Variants in FREM3 observed in about 807,000 individuals in gnomAD.
The protein encoded by FREM3 is FRAS1-related extracellular matrix protein 3.
In FREM3, 105 loss-of-function variants were observed where a neutral mutation model predicts 129.1. The ratio of observed to expected loss-of-function variants is 0.81; its 90% CI spans 0.69 to 0.96. FREM3 has a LOEUF of 0.96. FREM3 is among the 40% of genes least tolerant of loss of function. FREM3 has a pLI of 0.00. For missense variants in FREM3, 2,593 were observed against 2,666.3 expected (o/e 0.97, Z 0.61); for synonymous variants, 1,014 against 1,044.9 (o/e 0.97, Z 0.57).
intron 2 of FREM3, among the ~76,000 whole-genome samples, chr4:143,649,052 C>T (rs754679845): frequency 7.2e-5 from 11 of 152,190 alleles, no homozygotes; most frequent in Admixed American, 2.0e-4. Flanking sequence ...GTATAAACTA[C>T]CAAAGCTGGC....
At chr4:143,621,010 T>A in intron 5 of FREM3, 27 bp downstream of exon 5, 1 of 1,535,468 alleles carries the variant, frequency 6.5e-7, no homozygotes, top group Non-Finnish European at 8.7e-7. Context: ...CTTATTCCTA[T>A]GAACAGGACC....
chr4:143,640,697 A>G (rs890836693), intron 2 of FREM3, among the ~76,000 whole-genome samples: 2 of 152,126 alleles, frequency 1.3e-5, no homozygotes, highest in Non-Finnish European at 2.9e-5. Context: ...GTAATATAAT[A>G]TAAAGCCATT....
intron 1 of FREM3, among the ~76,000 whole-genome samples, chr4:143,693,844 T>C (rs755148063): frequency 6.6e-6 from 1 of 152,170 alleles, no homozygotes; most frequent in Non-Finnish European, 1.5e-5. Context: ...AGCTGGAGGC[T>C]ATTATCCTTC....
rs142590888 is a variant in FREM3, at chr4:143,673,673, A to G, written c.5275+19440T>C. The stretch of plus-strand genomic sequence containing the variant: ...GGTTTCTGCTGCCTTTCGTTCAGCT[A>G]TGCCCTGCCCCCAGAGGTAGAGTCT... On this transcript the variant is annotated intron_variant, in intron 2 of 7. Coordinates refer to ENST00000329798, the MANE Select transcript of FREM3 (RefSeq NM_001168235.2). Among the ~76,000 whole-genome samples the G allele has an allele frequency of 6.9e-3, 1,048 of 152,358 alleles. 15 individuals carry two copies. Among genetic ancestry groups the G allele is most frequent in the African/African-American group, 0.024 (986 of 41,594 alleles).
chr4:143,643,086 A>G (rs1739350365), intron 2 of FREM3, among the ~76,000 whole-genome samples: 1 of 152,224 alleles, frequency 6.6e-6, no homozygotes, highest in Non-Finnish European at 1.5e-5. Flanking sequence ...CACTCCAGTT[A>G]GGATGGCTAT....
intron 6 of FREM3, among the ~76,000 whole-genome samples, chr4:143,602,841 C>T (rs1407379742): frequency 1.3e-5 from 2 of 152,196 alleles, no homozygotes; most frequent in Middle Eastern, 3.4e-3. Flanking sequence ...GAGCAAGCAG[C>T]CAAAAGAAGG....
intron 2 of FREM3, among the ~76,000 whole-genome samples, chr4:143,683,673 G>A (rs1042989282): frequency 2.3e-4 from 35 of 152,282 alleles, no homozygotes; most frequent in African/African-American, 7.2e-4. Flanking sequence ...GCCAGAACCC[G>A]GGGAGGGAGC....
At chr4:143,664,706 G>A (rs1036852390) in intron 2 of FREM3, among the ~76,000 whole-genome samples, 4 of 152,250 alleles carry the variant, frequency 2.6e-5, no homozygotes, top group African/African-American at 7.2e-5. Flanking sequence ...GCCTACAGAG[G>A]CAGGCAGGCC....
intron 6 of FREM3, 126 bp from the exon 7 acceptor site, chr4:143,586,119 T>G: frequency 1.1e-6 from 1 of 882,638 alleles, no homozygotes; most frequent in Non-Finnish European, 1.7e-6. Flanking sequence ...TAGGTCTTGT[T>G]TTTTTATATA....
Position 143,700,459 on chromosome 4 carries a change from G to C in FREM3, c.217C>G (p.Leu73Val), listed in dbSNP as rs916216020. The C allele has an allele frequency of 1.3e-6, 2 of 1,516,894 alleles. No individual in the cohort carries two copies. The highest frequency in any genetic ancestry group is 1.8e-6 in the Non-Finnish European group (2 of 1,135,604). 94.0% of individuals were successfully genotyped at this position (1,516,894 alleles called of 1,614,324 possible). The change falls in exon 1 of 8, where the codon CTG becomes GTG. Residue 73 changes from leucine to valine, a missense_variant. By Grantham distance (32) the Leu-to-Val change is conservative. Around this residue, in one of 2 missense-constraint regions of FREM3, gnomAD observed 2,276 missense variants for 2,267.2 expected, o/e 1.00. Transcript: ENST00000329798. ...GGGTCGAGCCAAAGGGAACGACCCA[G>C]GGGCACCCGGAGTCCAGGGTTGGCA... ...LIANPGLRVP[L>V]GRSLWLDPLR...
At chr4:143,653,457 C>A (rs568769972) in intron 2 of FREM3, among the ~76,000 whole-genome samples, 2 of 152,206 alleles carry the variant, frequency 1.3e-5, no homozygotes, top group African/African-American at 4.8e-5. Context: ...CACATCATGG[C>A]TGTTTCCTTC....
At chr4:143,685,343 T>C (rs1740340839) in intron 2 of FREM3, among the ~76,000 whole-genome samples, 1 of 152,212 alleles carries the variant, frequency 6.6e-6, no homozygotes, top group Non-Finnish European at 1.5e-5. Flanking sequence ...GGGCCTATCT[T>C]CAGCCTCCTC....
intron 5 of FREM3, 96 bp from the exon 6 acceptor site, chr4:143,611,623 C>T: frequency 9.1e-7 from 1 of 1,097,854 alleles, no homozygotes; most frequent in East Asian, 2.6e-5. Flanking sequence ...TAGATAATAG[C>T]TATCTGAATG....
chr4:143,683,590 G>T (rs573190196), intron 2 of FREM3, among the ~76,000 whole-genome samples: 88 of 152,004 alleles, frequency 5.8e-4, no homozygotes, highest in African/African-American at 1.9e-3. Flanking sequence ...AGGAGCAGGG[G>T]GAGAACTACA....
chr4:143,593,924 A>G (rs867169335), intron 6 of FREM3, among the ~76,000 whole-genome samples: 17 of 152,240 alleles, frequency 1.1e-4, no homozygotes, highest in Non-Finnish European at 2.2e-4. Context: ...AGCCTCGGCA[A>G]TGGCGGGTGC....
At position 143,698,155 on chromosome 4, in the gene FREM3, C is replaced by T; in HGVS notation, c.2521G>A (p.Glu841Lys). Residue 841 changes from glutamate (E) to lysine (K), a missense_variant, in exon 1 of 8, where the codon GAG becomes AAG. Physicochemically the swap from Glu to Lys is moderately conservative, Grantham distance 56. This residue lies in a region of FREM3 where 2,276 missense variants were observed against 2,267.2 expected (regional missense o/e 1.00). Coordinates refer to ENST00000329798, the MANE Select transcript of FREM3 (RefSeq NM_001168235.2). ...EVTNRGFAIL[E>K]GGSFNLSSNE... The stretch of plus-strand genomic sequence containing the variant: ...CTGCTGAGGTTAAAGCTGCCTCCCT[C>T]TAAGATAGCAAAGCCTCTGTTGGTG... 6.5e-7 allele frequency: 1 copy of T among 1,537,464 alleles called. No individual in the cohort carries two copies. The highest frequency in any genetic ancestry group is 8.7e-7 in the Non-Finnish European group (1 of 1,146,970).
At chr4:143,686,775 C>T (rs1348230144) in intron 2 of FREM3, among the ~76,000 whole-genome samples, 3 of 151,956 alleles carry the variant, frequency 2.0e-5, no homozygotes, top group South Asian at 2.1e-4. Flanking sequence ...TTCTTCGAAC[C>T]GAACGACAAT....
intron 2 of FREM3, among the ~76,000 whole-genome samples, chr4:143,686,895 G>T (rs1367876073): frequency 1.3e-5 from 2 of 151,888 alleles, no homozygotes; most frequent in Admixed American, 1.3e-4. Context: ...GACAATCTAA[G>T]GTCACACCTT....
rs1323457742 is a variant in FREM3 at position 143,699,775 on chromosome 4, C to T, written c.901G>A (p.Glu301Lys). 8 of 1,533,278 alleles carry T rather than the reference C, an allele frequency of 5.2e-6. No individual in the cohort carries two copies. The highest frequency in any genetic ancestry group is 1.2e-5 in the South Asian group (1 of 83,512). 95.0% of individuals were successfully genotyped at this position (1,533,278 alleles called of 1,614,324 possible). The stretch of plus-strand genomic sequence containing the variant: ...AAGCTGGGCCTGGGCGGTGTGTTCT[C>T]GGCTCCGCCGCGGATCCTCACGAGC... The part of the protein sequence containing the change: ...QLLVRIRGGA[E>K]NTPPRPSFMA... Residue 301 changes from glutamate (E) to lysine (K), a missense_variant, in exon 1 of 8, where the codon GAG becomes AAG. Coordinates refer to ENST00000329798, the MANE Select transcript of FREM3 (RefSeq NM_001168235.2). This position sits in a 1 kb window ranked among gnomAD's most constrained non-coding sequence, Gnocchi z 4.2.
Sources: gnomAD v4.1 joint callset for allele counts (sites outside exome capture counted in the v4.1 genomes callset) on GRCh38, gnomAD v4.1.1 for gene constraint, gnomAD v4.1.1 regional missense constraint, Gnocchi (gnomAD v3.1) non-coding constraint, MANE v1.5 for transcripts, NCBI Gene and HGNC (gene_info 2026-07-23, HGNC 2026-07-21) for gene names.